Variants in AP2B1 observed in about 807,000 individuals in gnomAD.
The protein encoded by AP2B1 is AP-2 complex subunit beta.
In AP2B1, 23 loss-of-function variants were observed where a neutral mutation model predicts 102.0. The ratio of observed to expected loss-of-function variants is 0.23; its 90% CI spans 0.16 to 0.32. The LOEUF (loss-of-function observed/expected upper bound fraction) is 0.32. AP2B1 is among the 10% of genes least tolerant of loss of function. AP2B1 has a pLI of 1.00. For missense variants in AP2B1, 541 were observed against 1,157.4 expected (o/e 0.47, Z 7.73); for synonymous variants, 381 against 421.2 (o/e 0.90, Z 1.17).
Position 35,619,053 on chromosome 17 carries a change from T to A in AP2B1, c.526-5344T>A, listed in dbSNP as rs147501183. ...TGAAGTTCACAAGTCTTGGAAGCTC[T>A]ATAAATGCTGGAGACCAAGTATTAG... On this transcript the variant is annotated intron_variant, in intron 5 of 21. Coordinates refer to ENST00000610402, the MANE Select transcript of AP2B1 (RefSeq NM_001030006.2). Among the ~76,000 whole-genome samples, 733 of 152,314 alleles carry A rather than the reference T, an allele frequency of 4.8e-3. 7 individuals are homozygous for A. The highest frequency in any genetic ancestry group is 0.017 in the African/African-American group (688 of 41,572).
chr17:35,630,819 T>G (rs1365326270), intron 9 of AP2B1, among the ~76,000 whole-genome samples: 1 of 152,178 alleles, frequency 6.6e-6, no homozygotes, highest in Non-Finnish European at 1.5e-5. Flanking sequence ...AAACTTAAGG[T>G]CACCCTTCAG....
At chr17:35,610,810 G>A (rs990977799) in intron 5 of AP2B1, among the ~76,000 whole-genome samples, 13 of 152,132 alleles carry the variant, frequency 8.5e-5, no homozygotes, top group Admixed American at 3.9e-4. Flanking sequence ...AGGAGGCCGA[G>A]GCAGGAGAAT....
intron 9 of AP2B1, among the ~76,000 whole-genome samples, chr17:35,630,925 A>G (rs1377854037): frequency 6.6e-6 from 1 of 152,188 alleles, no homozygotes; most frequent in South Asian, 2.1e-4. Context: ...TTTCAGTTTG[A>G]CAGAGTTGCC....
intron 21 of AP2B1, among the ~76,000 whole-genome samples, chr17:35,720,573 A>ATATATATTTT (rs1324333805): frequency 1.1e-3 from 31 of 28,058 alleles, no homozygotes; most frequent in South Asian, 4.0e-3. Flanking sequence ...ATATATATAT[A>ATATATATTTT]TTTTTTTTTT....
intron 17 of AP2B1, among the ~76,000 whole-genome samples, chr17:35,676,639 G>A (rs186484801): frequency 6.6e-6 from 1 of 152,266 alleles, no homozygotes; most frequent in East Asian, 1.9e-4. Context: ...GAATGTTATT[G>A]CTAGGTTATA....
intron 9 of AP2B1, among the ~76,000 whole-genome samples, chr17:35,635,677 A>G (rs2074587560): frequency 6.6e-6 from 1 of 152,014 alleles, no homozygotes; most frequent in Admixed American, 6.6e-5. Flanking sequence ...CATGAGCCAC[A>G]GTGCCTGGCC....
At chr17:35,650,389 A>G in intron 12 of AP2B1, 141 bp from the exon 13 acceptor site, 1 of 995,324 alleles carries the variant, frequency 1.0e-6, no homozygotes, top group South Asian at 1.6e-5. Context: ...GCTATGAGCT[A>G]CCACATCCAG....
chr17:35,706,064 T>C (rs940141728), intron 18 of AP2B1, among the ~76,000 whole-genome samples: 2 of 152,180 alleles, frequency 1.3e-5, no homozygotes, highest in Non-Finnish European at 2.9e-5. Context: ...GCTTCTGATG[T>C]GTGGGTATCC....
At chr17:35,720,574 T>TATATATATATATATA (rs57480143) in intron 21 of AP2B1, among the ~76,000 whole-genome samples, 6 of 24,748 alleles carry the variant, frequency 2.4e-4, no homozygotes, top group African/African-American at 5.8e-4. Flanking sequence ...TATATATATA[T>TATATATATATATATA]TTTTTTTTTT....
At chr17:35,650,382 A>G (rs992959970) in intron 12 of AP2B1, 148 bp from the exon 13 acceptor site, 13 of 922,452 alleles carry the variant, frequency 1.4e-5, no homozygotes, top group East Asian at 9.8e-5. Flanking sequence ...GGCATGAGCT[A>G]TGAGCTACCA....
At chr17:35,648,053 G>A (rs770429954) in intron 12 of AP2B1, among the ~76,000 whole-genome samples, 2 of 151,916 alleles carry the variant, frequency 1.3e-5, no homozygotes, top group African/African-American at 2.4e-5. Flanking sequence ...CACTGTACCC[G>A]GTCTGGTTAT....
At chr17:35,604,382 T>G (rs2142374648) in intron 3 of AP2B1, among the ~76,000 whole-genome samples, 1 of 152,256 alleles carries the variant, frequency 6.6e-6, no homozygotes, top group Non-Finnish European at 1.5e-5. Flanking sequence ...GTGCTTGGAT[T>G]ACAGACGTGA....
chr17:35,635,880 G>A (rs1256519863), intron 9 of AP2B1, among the ~76,000 whole-genome samples: 2 of 151,872 alleles, frequency 1.3e-5, no homozygotes, highest in African/African-American at 2.4e-5. Context: ...GTGGAGACGG[G>A]GTTTCACCAT....
At chr17:35,696,042 C>T (rs2076135209) in intron 18 of AP2B1, among the ~76,000 whole-genome samples, 1 of 152,122 alleles carries the variant, frequency 6.6e-6, no homozygotes, top group Non-Finnish European at 1.5e-5. Flanking sequence ...AGTTTCTAAG[C>T]AGAAAAGGCA....
intron 18 of AP2B1, among the ~76,000 whole-genome samples, chr17:35,696,677 C>T (rs1279891679): frequency 1.3e-5 from 2 of 152,144 alleles, no homozygotes; most frequent in African/African-American, 2.4e-5. Context: ...GCCTGAGCCA[C>T]CGCACGCCTG....
At chr17:35,713,982 A>T (rs144368824) in intron 20 of AP2B1, among the ~76,000 whole-genome samples, 2 of 152,290 alleles carry the variant, frequency 1.3e-5, no homozygotes, top group African/African-American at 4.8e-5. Context: ...GGTATCTGGG[A>T]CTACTGTCTT....
rs765106360 is a variant in AP2B1, at chr17:35,636,292, T to G, written c.1156-49T>G. ...TCAAAATTTTTATGTTGAGGTGGTG[T>G]TATCGCATAGATCATCTGACTTCTC... On this transcript the variant is annotated intron_variant, in intron 9 of 21. Coordinates refer to ENST00000610402, the MANE Select transcript of AP2B1 (RefSeq NM_001030006.2). 18 of 1,344,564 alleles carry G rather than the reference T, an allele frequency of 1.3e-5. 1 individual carries two copies. The South Asian group carries it at 1.9e-4, about 15-fold the overall frequency. The allele number at this position is 1,344,564 out of a possible 1,614,324, so 83.3% of individuals were successfully genotyped here. A position where few individuals can be genotyped will look rare whatever the true frequency, so the allele number is the denominator to read the frequency against.
chr17:35,697,719 T>C (rs1477414954), intron 18 of AP2B1, among the ~76,000 whole-genome samples: 2 of 152,214 alleles, frequency 1.3e-5, no homozygotes, highest in African/African-American at 4.8e-5. Flanking sequence ...TCCCAGCACT[T>C]TGGGAGGCTG....
intron 2 of AP2B1, among the ~76,000 whole-genome samples, chr17:35,597,798 CT>C (rs1477209353): frequency 6.6e-6 from 1 of 152,192 alleles, no homozygotes; most frequent in Non-Finnish European, 1.5e-5. Flanking sequence ...ACTCTGTGAA[CT>C]TTGAGCCTCA....
Sources: gnomAD v4.1 joint callset for allele counts (sites outside exome capture counted in the v4.1 genomes callset) on GRCh38, gnomAD v4.1.1 for gene constraint, MANE v1.5 for transcripts, NCBI Gene and HGNC (gene_info 2026-07-23, HGNC 2026-07-21) for gene names.